Variants in MYO1D observed in about 807,000 individuals in gnomAD.
MYO1D encodes myosin ID.
In MYO1D, 83 loss-of-function variants were observed where a neutral mutation model predicts 122.0. That is an observed-to-expected ratio of 0.68 (90% CI 0.57 to 0.82). The LOEUF is 0.82. Ranked by LOEUF, MYO1D falls within the 40% of genes least tolerant of loss-of-function variation. The probability of loss-of-function intolerance (pLI) is 0.00; values close to 1 mark genes in which losing one functional copy is unlikely to be tolerated. For synonymous variants in MYO1D, 464 were observed against 446.9 expected (o/e 1.04, Z -0.48); for missense variants, 1,157 against 1,269.5 (o/e 0.91, Z 1.35).
chr17:32,833,658 G>A (rs562919269), intron 1 of MYO1D, among the ~76,000 whole-genome samples: 1 of 152,142 alleles, frequency 6.6e-6, no homozygotes, highest in Non-Finnish European at 1.5e-5. Flanking sequence ...TCCACCCACA[G>A]CTCTGACCGG....
chr17:32,724,979 G>T (rs2089555297), intron 14 of MYO1D, among the ~76,000 whole-genome samples: 1 of 151,940 alleles, frequency 6.6e-6, no homozygotes, highest in South Asian at 2.1e-4. Context: ...AAGTAAACTG[G>T]AATTAGAAAC....
At chr17:32,677,257 G>A (rs2640840) in intron 16 of MYO1D, among the ~76,000 whole-genome samples, 64,575 of 151,960 alleles carry the variant, frequency 0.42, 14,277 homozygotes, top group East Asian at 0.54. Context: ...AAACATTAGG[G>A]GAATTGAATC....
At chr17:32,825,331 G>T (rs148701188) in intron 1 of MYO1D, among the ~76,000 whole-genome samples, 1 of 151,884 alleles carries the variant, frequency 6.6e-6, no homozygotes, top group Non-Finnish European at 1.5e-5. Flanking sequence ...TTGCTCCAAT[G>T]TCTAGGCTGG....
At chr17:32,849,660 T>C (rs2090968489) in intron 1 of MYO1D, among the ~76,000 whole-genome samples, 1 of 149,970 alleles carries the variant, frequency 6.7e-6, no homozygotes, top group African/African-American at 2.5e-5. Flanking sequence ...CTGGGGACTG[T>C]TGTGGGGTGG....
intron 7 of MYO1D, among the ~76,000 whole-genome samples, chr17:32,765,985 C>T (rs954146452): frequency 6.6e-6 from 1 of 151,996 alleles, no homozygotes; most frequent in African/African-American, 2.4e-5. Context: ...CAGGCTTAAG[C>T]GATCCTTCCA....
chr17:32,843,406 T>C (rs902467755), intron 1 of MYO1D, among the ~76,000 whole-genome samples: 3 of 152,190 alleles, frequency 2.0e-5, no homozygotes, highest in Non-Finnish European at 4.4e-5. Context: ...TAGAGAAGTG[T>C]GCTTATACAA....
At chr17:32,701,842 C>T (rs1391926362) in intron 16 of MYO1D, among the ~76,000 whole-genome samples, 1 of 152,222 alleles carries the variant, frequency 6.6e-6, no homozygotes, top group Non-Finnish European at 1.5e-5. Context: ...GCTAGGATTA[C>T]AGGGGTGAAC....
chr17:32,751,704 G>A (rs955495851), intron 11 of MYO1D, among the ~76,000 whole-genome samples: 5 of 151,884 alleles, frequency 3.3e-5, no homozygotes, highest in Non-Finnish European at 1.5e-5. Context: ...AAAACCCTAG[G>A]AATATATTTA....
At chr17:32,684,113 G>A (rs1044519036) in intron 16 of MYO1D, 2 of 153,478 alleles carry the variant, frequency 1.3e-5, no homozygotes, top group Non-Finnish European at 2.9e-5. Context: ...CTCGCACACG[G>A]TGCGCGCACC....
chr17:32,590,615 T>C (rs1381181632), intron 21 of MYO1D, among the ~76,000 whole-genome samples: 3 of 152,204 alleles, frequency 2.0e-5, no homozygotes, highest in African/African-American at 7.2e-5. Flanking sequence ...GGTATAAAAA[T>C]AGAACAGTGT....
intron 16 of MYO1D, among the ~76,000 whole-genome samples, chr17:32,693,214 T>C (rs1279890803): frequency 6.6e-6 from 1 of 152,228 alleles, no homozygotes; most frequent in South Asian, 2.1e-4. Context: ...CTTGAGCTTG[T>C]AGCAATTAAA....
At chr17:32,512,275 G>C (rs1938406092) in intron 21 of MYO1D, among the ~76,000 whole-genome samples, 2 of 151,580 alleles carry the variant, frequency 1.3e-5, no homozygotes. Flanking sequence ...CTTCCAGCCT[G>C]GGCGACAAGA....
intron 14 of MYO1D, among the ~76,000 whole-genome samples, chr17:32,726,510 A>G (rs1441212115): frequency 6.6e-6 from 1 of 151,008 alleles, no homozygotes; most frequent in Non-Finnish European, 1.5e-5. Context: ...AAAAATAGGA[A>G]GAGAAAAAAG....
At chr17:32,564,277 T>C (rs867022260) in intron 21 of MYO1D, among the ~76,000 whole-genome samples, 1 of 152,206 alleles carries the variant, frequency 6.6e-6, no homozygotes, top group Non-Finnish European at 1.5e-5. Flanking sequence ...TGTCAACTAG[T>C]AGGCAGATTT....
rs566208471 is a variant in MYO1D at position 32,556,859 on chromosome 17, T to G, written c.2864+48228A>C. On this transcript the variant is annotated intron_variant, in intron 21 of 21. Coordinates refer to ENST00000318217, the MANE Select transcript of MYO1D (RefSeq NM_015194.3). Reference sequence around the variant, plus strand: ...GGGTCTGTGAGAAAATGATTTGTGCTAAACTCCCTAACCTAAGGAATTTAC... The same window carrying G: ...GGGTCTGTGAGAAAATGATTTGTGCGAAACTCCCTAACCTAAGGAATTTAC... Among the ~76,000 whole-genome samples the G allele has an allele frequency of 9.2e-5, 14 of 152,324 alleles. No individual in the cohort carries two copies. The East Asian group carries it at 2.5e-3, about 27-fold the overall frequency.
chr17:32,551,217 C>T (rs1469676331), intron 21 of MYO1D, among the ~76,000 whole-genome samples: 1 of 152,092 alleles, frequency 6.6e-6, no homozygotes, highest in Non-Finnish European at 1.5e-5. Flanking sequence ...AGACAATGAA[C>T]ATAAATGTAA....
At chr17:32,520,174 G>T (rs1055539815) in intron 21 of MYO1D, among the ~76,000 whole-genome samples, 2 of 152,166 alleles carry the variant, frequency 1.3e-5, no homozygotes, top group Admixed American at 1.3e-4. Flanking sequence ...CACGAACAGG[G>T]AAAGGCTCAT....
At chr17:32,571,038 A>G (rs2087222098) in intron 21 of MYO1D, among the ~76,000 whole-genome samples, 1 of 152,036 alleles carries the variant, frequency 6.6e-6, no homozygotes, top group Admixed American at 6.6e-5. Context: ...GCAAAAGGGG[A>G]CTCAGAAGTC....
At chr17:32,690,668 A>G (rs1241508705) in intron 16 of MYO1D, among the ~76,000 whole-genome samples, 1 of 152,132 alleles carries the variant, frequency 6.6e-6, no homozygotes, top group Non-Finnish European at 1.5e-5. Flanking sequence ...CTGTTAGTTC[A>G]TGAGATGTCT....
Sources: gnomAD v4.1 joint callset for allele counts (sites outside exome capture counted in the v4.1 genomes callset) on GRCh38, gnomAD v4.1.1 for gene constraint, MANE v1.5 for transcripts, NCBI Gene and HGNC (gene_info 2026-07-23, HGNC 2026-07-21) for gene names.